NBEAL1: variants seen among roughly 807,000 people sequenced by gnomAD.
The protein encoded by NBEAL1 is neurobeachin like 1.
NBEAL1 carries 273 observed loss-of-function variants against 351.3 expected under a neutral mutation model. The observed-to-expected ratio is 0.78, with a 90% CI of 0.70 to 0.86. The LOEUF (loss-of-function observed/expected upper bound fraction) is 0.86. NBEAL1 is among the 40% of genes least tolerant of loss of function. The pLI, the probability that NBEAL1 is intolerant of heterozygous loss-of-function variation, is 0.00. For missense variants in NBEAL1, 2,961 were observed against 3,201.3 expected (o/e 0.92, Z 1.81); for synonymous variants, 1,050 against 1,086.4 (o/e 0.97, Z 0.66).
Position 203,219,495 on chromosome 2 carries a change from C to G in NBEAL1, c.*2141C>G, listed in dbSNP as rs917322867. On this transcript the variant is annotated 3_prime_UTR_variant, in exon 56 of 56. Transcript: ENST00000683969. The stretch of plus-strand genomic sequence containing the variant: ...GTTCACAATAAAATAGATATCCTAC[C>G]TGGACTAATACTAGATGTACAAGGT... 22 of 151,692 alleles carry G rather than the reference C, an allele frequency of 1.5e-4. No homozygotes were observed. The highest frequency in any genetic ancestry group is 5.3e-4 in the African/African-American group (22 of 41,254). The allele number at this position is 151,692 out of a possible 1,614,324, so 9.4% of individuals were successfully genotyped here.
rs925657618 is a variant in NBEAL1 at position 203,221,485 on chromosome 2, A to T, written c.*4131A>T. On this transcript the variant is annotated 3_prime_UTR_variant, in exon 56 of 56. Transcript: ENST00000683969. ...CTGTCTTCTGGAAACAGGTTCTTGA[A>T]CCTATCTTTAGGATACAGTTTTTGA... Among the ~76,000 whole-genome samples the T allele has an allele frequency of 6.6e-6, 1 of 152,012 alleles. No individual in the cohort carries two copies. Among genetic ancestry groups the T allele is most frequent in the African/African-American group, 2.4e-5 (1 of 41,412 alleles).
At chr2:203,148,247 G>A (rs2063559070) in intron 33 of NBEAL1, among the ~76,000 whole-genome samples, 1 of 151,932 alleles carries the variant, frequency 6.6e-6, no homozygotes, top group African/African-American at 2.4e-5. Flanking sequence ...TTACACATGA[G>A]AGGACACTGA....
Position 203,217,475 on chromosome 2 carries a change from T to A in NBEAL1, c.*121T>A. The A allele has an allele frequency of 7.5e-7, 1 of 1,327,384 alleles. No homozygotes were observed. Among genetic ancestry groups the A allele is most frequent in the East Asian group, 2.8e-5 (1 of 35,840 alleles). 82.2% of individuals were successfully genotyped at this position (1,327,384 alleles called of 1,614,324 possible). ...TTTATCCCTGAAAATCATTTACAGATAACCACAATTTGCTGTGGTATATAA... is the reference window on the plus strand; with the variant it reads ...TTTATCCCTGAAAATCATTTACAGAAAACCACAATTTGCTGTGGTATATAA... On this transcript the variant is annotated 3_prime_UTR_variant, in exon 56 of 56. Coordinates refer to ENST00000683969, the MANE Select transcript of NBEAL1 (RefSeq NM_001378026.1).
chr2:203,178,686 A>G (rs969888816), intron 42 of NBEAL1, among the ~76,000 whole-genome samples: 2 of 152,242 alleles, frequency 1.3e-5, no homozygotes, highest in African/African-American at 4.8e-5. Context: ...GACTTACATG[A>G]AATGTCCAAA....
rs1394513128 is a variant in NBEAL1 at position 203,186,110 on chromosome 2, A to G, written c.6706-2362A>G. On this transcript the variant is annotated intron_variant, in intron 44 of 55. Transcript: ENST00000683969. ...TAAATCTTCGTTGGTCATAAGATCT[A>G]TGTCACAGGTACTCAGTTCTGCCAT... is the stretch of plus-strand genomic sequence containing the variant. 5.3e-5 allele frequency among the ~76,000 whole-genome samples: 8 copies of G among 152,358 alleles called. No homozygotes were observed. In the East Asian group the frequency reaches 1.2e-3, roughly 22 times the overall value.
At chr2:203,056,322 G>A (rs1245468081) in intron 4 of NBEAL1, 105 bp from the exon 5 acceptor site, 1 of 688,746 alleles carries the variant, frequency 1.5e-6, no homozygotes, top group African/African-American at 1.8e-5. Flanking sequence ...AATGTCATTT[G>A]CATTTTGTTT....
At chr2:203,041,383 T>C (rs1442627557) in intron 2 of NBEAL1, among the ~76,000 whole-genome samples, 1 of 152,182 alleles carries the variant, frequency 6.6e-6, no homozygotes, top group East Asian at 1.9e-4. Context: ...GCCATTCAGA[T>C]ACCTGGGAGA....
In NBEAL1 at chr2:203,155,595, A is replaced by G. The variant is rs72934594; in HGVS notation, c.5588-2104A>G. On this transcript the variant is annotated intron_variant, in intron 35 of 55. Transcript: ENST00000683969. ...TGGTACTATAGGTGTGTACCACCAC[A>G]CCCAGCTAATTTTTTAATTTTTAAA... Among the ~76,000 whole-genome samples, 398 of 151,932 alleles carry G rather than the reference A, an allele frequency of 2.6e-3. 2 individuals are homozygous for G. Among genetic ancestry groups the G allele is most frequent in the South Asian group, 8.7e-3 (42 of 4,804 alleles).
intron 6 of NBEAL1, among the ~76,000 whole-genome samples, chr2:203,066,785 C>T (rs567912991): frequency 3.1e-4 from 45 of 147,146 alleles, no homozygotes; most frequent in Non-Finnish European, 5.5e-4. Flanking sequence ...ACGGGGCGGC[C>T]GGGCAGAGGT....
At position 203,138,672 on chromosome 2, in the gene NBEAL1, A is replaced by G; in HGVS notation, c.4772A>G (p.Glu1591Gly). The change falls in exon 31 of 56, where the codon GAA becomes GGA. Residue 1591 changes from glutamate to glycine, a missense_variant. By Grantham distance (98) the Glu-to-Gly change is moderately conservative. Coordinates refer to ENST00000683969, the MANE Select transcript of NBEAL1 (RefSeq NM_001378026.1). ...GACTGTCTGTCAGTCTGCTATTCTG[A>G]AAGTCCAGTATGGGTAAAACTCTCT... is the stretch of plus-strand genomic sequence containing the variant. ...LFDCLSVCYSESPVWVKLSQI... is the reference protein window; with the variant it reads ...LFDCLSVCYSGSPVWVKLSQI... The G allele has an allele frequency of 6.2e-7, 1 of 1,613,178 alleles. No individual in the cohort carries two copies. Among genetic ancestry groups the G allele is most frequent in the Non-Finnish European group, 8.5e-7 (1 of 1,179,702 alleles).
rs2065910411 is a variant in NBEAL1 at position 203,217,540 on chromosome 2, A to C, written c.*186A>C. The C allele has an allele frequency of 8.4e-7, 1 of 1,196,714 alleles. No individual in the cohort carries two copies. Among genetic ancestry groups the C allele is most frequent in the South Asian group, 4.2e-5 (1 of 23,850 alleles). The allele number at this position is 1,196,714 out of a possible 1,614,324, so 74.1% of individuals were successfully genotyped here. A position where few individuals can be genotyped will look rare whatever the true frequency, so the allele number is the denominator to read the frequency against. On this transcript the variant is annotated 3_prime_UTR_variant, in exon 56 of 56. Transcript: ENST00000683969. ...TATACTAAGATGTATTTGAGAAAAT[A>C]CATTTGATTTGATTTTGTGGCCCAT...
chr2:203,104,141 A>G (rs1404172561), intron 12 of NBEAL1, among the ~76,000 whole-genome samples: 1 of 152,188 alleles, frequency 6.6e-6, no homozygotes, highest in Non-Finnish European at 1.5e-5. Flanking sequence ...TGTTAAGCTC[A>G]GGTCCTGAAT....
intron 35 of NBEAL1, among the ~76,000 whole-genome samples, chr2:203,152,992 C>T (rs1161513020): frequency 6.6e-6 from 1 of 152,002 alleles, no homozygotes; most frequent in Non-Finnish European, 1.5e-5. Flanking sequence ...GAGCTGATAT[C>T]GCGTCTTTGC....
chr2:203,125,838 G>A (rs866168411), intron 20 of NBEAL1, 122 bp from the exon 21 acceptor site: 13 of 774,712 alleles, frequency 1.7e-5, no homozygotes, highest in South Asian at 7.1e-5. Context: ...ACAATAGAGC[G>A]TTGGAAGCTG....
chr2:203,080,750 A>G (rs951550453), intron 8 of NBEAL1, among the ~76,000 whole-genome samples: 1 of 152,092 alleles, frequency 6.6e-6, no homozygotes, highest in Non-Finnish European at 1.5e-5. Flanking sequence ...GGTGACCAGA[A>G]TCTTATTTTT....
intron 14 of NBEAL1, 43 bp downstream of exon 14, chr2:203,108,231 C>G (rs942043454): frequency 2.3e-5 from 32 of 1,373,552 alleles, no homozygotes; most frequent in Non-Finnish European, 3.2e-5. Flanking sequence ...ACTGTCATAA[C>G]AATATATGCT....
chr2:203,115,899 T>G, intron 17 of NBEAL1, 86 bp from the exon 18 acceptor site: 1 of 865,076 alleles, frequency 1.2e-6, no homozygotes, highest in Non-Finnish European at 1.8e-6. Flanking sequence ...TTGAAACAGC[T>G]TAATTTTAAA....
chr2:203,224,083 AT>A lies in NBEAL1; in HGVS notation c.*6732del, dbSNP rs1184360815. 4.6e-5 allele frequency among the ~76,000 whole-genome samples: 7 copies of A among 152,126 alleles called. No individual in the cohort carries two copies. The South Asian group carries it at 6.2e-4, about 14-fold the overall frequency. The stretch of plus-strand genomic sequence containing the variant: ...GATTTTCTTAGATGACTTTTTAGCA[AT>A]TTAATGATAATAATTTCTATTTTTC... On this transcript the variant is annotated 3_prime_UTR_variant, in exon 56 of 56. Coordinates refer to ENST00000683969, the MANE Select transcript of NBEAL1 (RefSeq NM_001378026.1).
chr2:203,207,687 G>A (rs2065648285), intron 51 of NBEAL1, among the ~76,000 whole-genome samples: 1 of 152,302 alleles, frequency 6.6e-6, no homozygotes, highest in African/African-American at 2.4e-5. Flanking sequence ...TGCAAGATGT[G>A]CTTTGTTAAA....
Sources: allele counts gnomAD v4.1 joint callset (sites outside exome capture counted in the v4.1 genomes callset), GRCh38; gene constraint gnomAD v4.1.1; transcripts MANE v1.5; gene names NCBI Gene and HGNC (gene_info 2026-07-23, HGNC 2026-07-21).